Variants in SLC25A26 observed in about 807,000 individuals in gnomAD.
SLC25A26 encodes the protein solute carrier family 25 member 26, also known as mitochondrial S-adenosylmethionine carrier protein.
In SLC25A26, 36 loss-of-function variants were observed where a neutral mutation model predicts 37.8. The ratio of observed to expected loss-of-function variants is 0.95; its 90% CI spans 0.73 to 1.26. The LOEUF (loss-of-function observed/expected upper bound fraction) is 1.26. Among genes scored for constraint, SLC25A26 ranks in the 50% most tolerant of loss-of-function variants. The pLI, the probability that SLC25A26 is intolerant of heterozygous loss-of-function variation, is 0.00. For synonymous variants in SLC25A26, 129 were observed against 122.5 expected (o/e 1.05, Z -0.35); for missense variants, 390 against 331.1 (o/e 1.18, Z -1.38).
intron 1 of SLC25A26, among the ~76,000 whole-genome samples, chr3:66,201,569 C>A (rs2071110879): frequency 6.6e-6 from 1 of 152,090 alleles, no homozygotes; most frequent in East Asian, 1.9e-4. Context: ...CTCCTGGGCC[C>A]AATCGAGCTG....
At chr3:66,300,882 CAG>C (rs940442028) in intron 5 of SLC25A26, among the ~76,000 whole-genome samples, 2 of 152,070 alleles carry the variant, frequency 1.3e-5, no homozygotes, top group African/African-American at 4.8e-5. Flanking sequence ...TCTGTATATG[CAG>C]AGTTTTTTGT....
chr3:66,197,833 T>G (rs2071065116), intron 1 of SLC25A26, among the ~76,000 whole-genome samples: 1 of 151,996 alleles, frequency 6.6e-6, no homozygotes, highest in Non-Finnish European at 1.5e-5. Context: ...GTTATAAAAA[T>G]GGTGAATCTG....
chr3:66,165,932 C>G (rs374034063), intron 1 of SLC25A26, among the ~76,000 whole-genome samples: 23 of 151,672 alleles, frequency 1.5e-4, no homozygotes, highest in African/African-American at 4.8e-4. Context: ...CCCACCTCTC[C>G]CCACCACCCC....
At chr3:66,159,719 T>C (rs1433705480) in intron 1 of SLC25A26, among the ~76,000 whole-genome samples, 1 of 152,208 alleles carries the variant, frequency 6.6e-6, no homozygotes, top group East Asian at 1.9e-4. Context: ...GCCTGATAGA[T>C]CTTTTGGTGT....
chr3:66,371,325 C>T (rs767583559), intron 9 of SLC25A26: 36 of 1,548,886 alleles, frequency 2.3e-5, no homozygotes, highest in Admixed American at 3.9e-5. Context: ...ATCCTGATGC[C>T]GAGTTGGATC....
intron 5 of SLC25A26, among the ~76,000 whole-genome samples, chr3:66,312,620 C>T (rs1012669968): frequency 5.3e-5 from 8 of 152,074 alleles, no homozygotes; most frequent in African/African-American, 1.4e-4. Context: ...AACCCAAGAC[C>T]CTGGTGGCGT....
chr3:66,324,142 A>AT (rs36163611), intron 5 of SLC25A26: 61,239 of 151,436 alleles, frequency 0.4, 14,309 homozygotes, highest in East Asian at 0.7. Context: ...ATGAAAAAAA[A>AT]GTGTGTCTTT....
rs577786173 is a variant in SLC25A26, at chr3:66,150,238, C to G, written c.-354+16254C>G. Among the ~76,000 whole-genome samples the G allele has an allele frequency of 8.0e-4, 122 of 151,862 alleles. 2 individuals carry two copies. Among genetic ancestry groups the G allele is most frequent in the African/African-American group, 2.9e-3 (120 of 41,410 alleles). On this transcript the variant is annotated intron_variant, in intron 1 of 10. Transcript: ENST00000676754. ...ATAGGCCGGGCATGGTGGCACACAC[C>G]TTTAATCCCAGTACTTTGGGAGGCC...
chr3:66,153,599 A>G (rs1216686898), intron 1 of SLC25A26, among the ~76,000 whole-genome samples: 1 of 152,168 alleles, frequency 6.6e-6, no homozygotes, highest in African/African-American at 2.4e-5. Context: ...AATTTCTTTT[A>G]ATGTGTGCTT....
chr3:66,150,021 G>A (rs1304085903), intron 1 of SLC25A26, among the ~76,000 whole-genome samples: 2 of 152,090 alleles, frequency 1.3e-5, no homozygotes, highest in African/African-American at 4.8e-5. Context: ...CAAACGTGGG[G>A]CTTTTCAAGG....
intron 1 of SLC25A26, among the ~76,000 whole-genome samples, chr3:66,204,692 G>T (rs2071155208): frequency 6.6e-6 from 1 of 152,166 alleles, no homozygotes; most frequent in African/African-American, 2.4e-5. Flanking sequence ...GCAAAGATTA[G>T]TTGAGAAATG....
At chr3:66,283,934 GT>G in intron 5 of SLC25A26, among the ~76,000 whole-genome samples, 1 of 152,172 alleles carries the variant, frequency 6.6e-6, no homozygotes, top group Admixed American at 6.5e-5. Context: ...TTTGTTGACC[GT>G]TTTGAATTTT....
intron 2 of SLC25A26, among the ~76,000 whole-genome samples, chr3:66,241,800 G>A (rs1379871025): frequency 2.0e-5 from 3 of 152,132 alleles, no homozygotes; most frequent in Non-Finnish European, 4.4e-5. Flanking sequence ...TATGCTGCAG[G>A]AGTGAGGGGT....
intron 1 of SLC25A26, among the ~76,000 whole-genome samples, chr3:66,222,242 G>A (rs1325259029): frequency 2.0e-5 from 3 of 150,026 alleles, no homozygotes; most frequent in Non-Finnish European, 4.4e-5. Context: ...GTGTGGTGGC[G>A]CCATCTCGGC....
intron 9 of SLC25A26, among the ~76,000 whole-genome samples, chr3:66,373,223 G>C (rs747224046): frequency 3.3e-5 from 5 of 152,096 alleles, no homozygotes; most frequent in Non-Finnish European, 7.3e-5. Flanking sequence ...ATCCCTTTCT[G>C]TCTGGCATTG....
At chr3:66,159,212 A>G (rs538497527) in intron 1 of SLC25A26, among the ~76,000 whole-genome samples, 11 of 152,352 alleles carry the variant, frequency 7.2e-5, no homozygotes, top group Admixed American at 2.0e-4. Flanking sequence ...GACAGTGTAC[A>G]TAAGCCTTAT....
At chr3:66,321,484 C>T (rs1396898041) in intron 5 of SLC25A26, among the ~76,000 whole-genome samples, 1 of 152,130 alleles carries the variant, frequency 6.6e-6, no homozygotes, top group Admixed American at 6.5e-5. Flanking sequence ...GAAACCCTTC[C>T]GTGTAGGGAT....
chr3:66,331,011 T>C (rs2075961010), intron 5 of SLC25A26, among the ~76,000 whole-genome samples: 1 of 152,004 alleles, frequency 6.6e-6, no homozygotes, highest in Non-Finnish European at 1.5e-5. Flanking sequence ...ATTAATATAA[T>C]TTAGATATTA....
chr3:66,342,394 T>G (rs978093800), intron 5 of SLC25A26, among the ~76,000 whole-genome samples: 1 of 152,212 alleles, frequency 6.6e-6, no homozygotes, highest in Non-Finnish European at 1.5e-5. Flanking sequence ...TACAGTCAAG[T>G]CTTACTTATT....
Sources: allele counts gnomAD v4.1 joint callset (sites outside exome capture counted in the v4.1 genomes callset), GRCh38; gene constraint gnomAD v4.1.1; transcripts MANE v1.5; gene names NCBI Gene and HGNC (gene_info 2026-07-23, HGNC 2026-07-21).